Variants in NOL4 observed in about 807,000 individuals in gnomAD.
NOL4 encodes the protein cancer/testis antigen 125.
Under a neutral mutation model 75.9 loss-of-function variants are expected in NOL4, and 17 were observed. The observed-to-expected ratio is 0.22, with a 90% confidence interval of 0.15 to 0.34. NOL4 has a LOEUF of 0.34. NOL4 is among the 10% of genes least tolerant of loss of function. The pLI, the probability that NOL4 is intolerant of heterozygous loss-of-function variation, is 1.00. For synonymous variants in NOL4, 292 were observed against 289.9 expected (o/e 1.01, Z -0.07); for missense variants, 614 against 793.5 (o/e 0.77, Z 2.72).
At chr18:34,173,049 T>C (rs944930211) in intron 1 of NOL4, among the ~76,000 whole-genome samples, 3 of 152,088 alleles carry the variant, frequency 2.0e-5, no homozygotes, top group Non-Finnish European at 4.4e-5. Flanking sequence ...TTTTTGCCTG[T>C]GTTTTTATTA....
At chr18:34,115,964 A>G (rs904591893) in intron 2 of NOL4, among the ~76,000 whole-genome samples, 1 of 152,176 alleles carries the variant, frequency 6.6e-6, no homozygotes, top group Non-Finnish European at 1.5e-5. Context: ...TCATTTGAGT[A>G]TTGGGAAACA....
At chr18:34,044,927 T>G (rs1333246637) in intron 5 of NOL4, among the ~76,000 whole-genome samples, 1 of 152,172 alleles carries the variant, frequency 6.6e-6, no homozygotes, top group Non-Finnish European at 1.5e-5. Flanking sequence ...TTTATCACAC[T>G]GCCCACTACA....
intron 1 of NOL4, among the ~76,000 whole-genome samples, chr18:34,159,957 T>C (rs2031199246): frequency 1.3e-5 from 2 of 152,138 alleles, no homozygotes; most frequent in South Asian, 4.1e-4. Flanking sequence ...CAGTCATCCC[T>C]GGCCAGGTAA....
At position 34,097,783 on chromosome 18, in the gene NOL4, AATAG is replaced by A. The variant is rs540830944; in HGVS notation, c.640-4190_640-4187del. Reference sequence around the variant, plus strand: ...CTACTAGCAATACAGTAAACATCTTAATAGATAAATTGTTGTTTCATATATCACA... The same window carrying A: ...CTACTAGCAATACAGTAAACATCTTAATAAATTGTTGTTTCATATATCACA... On this transcript the variant is annotated intron_variant, in intron 4 of 10. Coordinates refer to ENST00000261592, the MANE Select transcript of NOL4 (RefSeq NM_003787.5). Among the ~76,000 whole-genome samples, 465 of 152,280 alleles carry A rather than the reference AATAG, an allele frequency of 3.1e-3. 1 individual carries two copies. Among genetic ancestry groups the A allele is most frequent in the African/African-American group, 0.011 (444 of 41,558 alleles).
intron 5 of NOL4, among the ~76,000 whole-genome samples, chr18:34,035,318 G>T (rs1425177861): frequency 6.6e-6 from 1 of 152,062 alleles, no homozygotes; most frequent in East Asian, 1.9e-4. Flanking sequence ...TTAAACTTTG[G>T]AAACTTATAA....
chr18:34,054,212 C>T (rs765691959), intron 5 of NOL4, among the ~76,000 whole-genome samples: 1 of 151,772 alleles, frequency 6.6e-6, no homozygotes, highest in Non-Finnish European at 1.5e-5. Flanking sequence ...ATGTTAGGTC[C>T]AATTAGCTTA....
chr18:34,033,974 A>C (rs557621713), intron 5 of NOL4, among the ~76,000 whole-genome samples: 1 of 152,246 alleles, frequency 6.6e-6, no homozygotes, highest in South Asian at 2.1e-4. Context: ...GAGAAATAAA[A>C]TTTTTCCCAG....
chr18:33,858,764 G>A (rs1377492268), intron 10 of NOL4, among the ~76,000 whole-genome samples: 4 of 151,820 alleles, frequency 2.6e-5, no homozygotes, highest in Non-Finnish European at 5.9e-5. Flanking sequence ...TCTAGCCTTT[G>A]AAGCCTTGGT....
At chr18:33,898,361 C>A (rs931277197) in intron 9 of NOL4, among the ~76,000 whole-genome samples, 18 of 152,130 alleles carry the variant, frequency 1.2e-4, no homozygotes, top group Admixed American at 1.1e-3. Context: ...CAAATTCTTA[C>A]CCCTAGTCTC....
At chr18:33,906,681 T>G (rs1305180820) in intron 9 of NOL4, among the ~76,000 whole-genome samples, 1 of 152,204 alleles carries the variant, frequency 6.6e-6, no homozygotes, top group Non-Finnish European at 1.5e-5. Flanking sequence ...CAAATTAATT[T>G]TTTTCTTTGT....
At chr18:34,089,191 A>T (rs1328284660) in intron 5 of NOL4, among the ~76,000 whole-genome samples, 1 of 152,108 alleles carries the variant, frequency 6.6e-6, no homozygotes, top group African/African-American at 2.4e-5. Flanking sequence ...CCTACCTGTT[A>T]TAATTATTAG....
chr18:34,166,596 A>G (rs2032361888), intron 1 of NOL4, among the ~76,000 whole-genome samples: 1 of 152,156 alleles, frequency 6.6e-6, no homozygotes, highest in African/African-American at 2.4e-5. Flanking sequence ...AATATTAACT[A>G]AAGCTCATAA....
chr18:33,957,862 CT>C (rs2069775879), intron 7 of NOL4, among the ~76,000 whole-genome samples: 1 of 152,138 alleles, frequency 6.6e-6, no homozygotes, highest in Non-Finnish European at 1.5e-5. Flanking sequence ...CATTGCTACA[CT>C]GCACAGTGGA....
chr18:34,150,674 G>T (rs1490756224), intron 1 of NOL4, among the ~76,000 whole-genome samples: 2 of 151,574 alleles, frequency 1.3e-5, no homozygotes, highest in Non-Finnish European at 3.0e-5. Flanking sequence ...TACATGACTT[G>T]GGCATGGATA....
intron 1 of NOL4, among the ~76,000 whole-genome samples, chr18:34,196,917 T>G (rs530403253): frequency 6.6e-6 from 1 of 152,196 alleles, no homozygotes; most frequent in African/African-American, 2.4e-5. Flanking sequence ...GAGCAGATAC[T>G]TTAGAACTTT....
chr18:34,216,120 C>T (rs1051996049), intron 1 of NOL4, among the ~76,000 whole-genome samples: 1 of 152,092 alleles, frequency 6.6e-6, no homozygotes, highest in Admixed American at 6.5e-5. Flanking sequence ...ATTATGTCAC[C>T]AGAACACAGG....
intron 3 of NOL4, among the ~76,000 whole-genome samples, chr18:34,104,580 G>T (rs2079183671): frequency 1.3e-5 from 2 of 151,946 alleles, no homozygotes; most frequent in South Asian, 4.1e-4. Flanking sequence ...CTCTGAGACT[G>T]ATATAATCTC....
intron 1 of NOL4, among the ~76,000 whole-genome samples, chr18:34,205,391 G>A (rs1054561342): frequency 2.6e-5 from 4 of 152,132 alleles, no homozygotes; most frequent in African/African-American, 7.2e-5. Context: ...TCTAGGAAAC[G>A]AAACCCAAAT....
At chr18:34,054,781 T>C (rs546970046) in intron 5 of NOL4, among the ~76,000 whole-genome samples, 17 of 151,934 alleles carry the variant, frequency 1.1e-4, no homozygotes, top group African/African-American at 4.1e-4. Flanking sequence ...GCTCTATTAC[T>C]TCTCCTTTCC....
Sources: allele counts gnomAD v4.1 joint callset (sites outside exome capture counted in the v4.1 genomes callset), GRCh38; gene constraint gnomAD v4.1.1; transcripts MANE v1.5; gene names NCBI Gene and HGNC (gene_info 2026-07-23, HGNC 2026-07-21).